Variants in ABI2 observed in about 807,000 individuals in gnomAD.
The protein encoded by ABI2 is abelson interactor 2.
A neutral mutation model predicts 59.2 loss-of-function variants in ABI2; 25 were observed. The ratio of observed to expected loss-of-function variants is 0.42; its 90% CI spans 0.31 to 0.59. ABI2 has a LOEUF of 0.59. Ranked by LOEUF, ABI2 falls within the 20% of genes least tolerant of loss-of-function variation. ABI2 has a pLI of 0.14. For missense variants in ABI2, 545 were observed against 681.8 expected (o/e 0.80, Z 2.23); for synonymous variants, 213 against 235.5 (o/e 0.90, Z 0.87).
At chr2:203,337,897 G>T (rs551945215) in intron 1 of ABI2, among the ~76,000 whole-genome samples, 1 of 152,288 alleles carries the variant, frequency 6.6e-6, no homozygotes, top group East Asian at 1.9e-4. Context: ...GGGCATGCTG[G>T]CACACGCCTG....
chr2:203,430,923 C>CT lies in ABI2; in HGVS notation c.*3575dup, dbSNP rs2098478770. 1.3e-5 allele frequency: 2 copies of CT among 152,138 alleles called. No individual in the cohort carries two copies. The highest frequency in any genetic ancestry group is 2.9e-5 in the Non-Finnish European group (2 of 68,026). 9.4% of individuals were successfully genotyped at this position (152,138 alleles called of 1,614,324 possible). On this transcript the variant is annotated 3_prime_UTR_variant, in exon 12 of 12. Coordinates refer to ENST00000261018, the MANE Select transcript of ABI2 (RefSeq NM_001375670.1). ...GCTTTTATCTTTTTATGTTCATTTT[C>CT]TTTTAGTAGGTGACCTTTCTGCATT...
At chr2:203,373,216 C>T (rs1257709283) in intron 2 of ABI2, among the ~76,000 whole-genome samples, 3 of 152,162 alleles carry the variant, frequency 2.0e-5, no homozygotes, top group African/African-American at 2.4e-5. Flanking sequence ...ATCCCGGCAC[C>T]TCGGGAGGCC....
intron 1 of ABI2, among the ~76,000 whole-genome samples, chr2:203,344,452 G>A (rs2081947262): frequency 6.6e-6 from 1 of 151,824 alleles, no homozygotes; most frequent in Non-Finnish European, 1.5e-5. Context: ...TGCAGTCTCT[G>A]CCTCCTGGGT....
chr2:203,382,127 T>C, intron 3 of ABI2, 62 bp from the exon 4 acceptor site: 1 of 1,415,184 alleles, frequency 7.1e-7, no homozygotes, highest in South Asian at 1.3e-5. Flanking sequence ...TCCTGAAGTT[T>C]CAACTAACCT....
chr2:203,349,711 A>C (rs1212027721), intron 1 of ABI2, among the ~76,000 whole-genome samples: 24 of 140,616 alleles, frequency 1.7e-4, no homozygotes, highest in Non-Finnish European at 3.1e-4. Flanking sequence ...GGCTGTGTTC[A>C]TTTTTTTTTT....
At chr2:203,380,439 T>G (rs2096043762) in intron 3 of ABI2, 55 bp downstream of exon 3, 2 of 1,187,006 alleles carry the variant, frequency 1.7e-6, no homozygotes, top group Non-Finnish European at 2.3e-6. Flanking sequence ...TGAAACCAAC[T>G]CTTGAGAAAA....
At chr2:203,396,561 G>C (rs759101803) in intron 7 of ABI2, among the ~76,000 whole-genome samples, 1 of 152,082 alleles carries the variant, frequency 6.6e-6, no homozygotes. Flanking sequence ...AGGAATGTTT[G>C]TTTTTAATGA....
chr2:203,359,288 A>G (rs913800904), intron 1 of ABI2, among the ~76,000 whole-genome samples: 32 of 152,114 alleles, frequency 2.1e-4, no homozygotes, highest in Admixed American at 2.6e-4. Context: ...TCATTTTCAT[A>G]TGAACTGAAG....
At chr2:203,406,187 TTGG>T (rs1308454249) in intron 9 of ABI2, among the ~76,000 whole-genome samples, 1 of 152,160 alleles carries the variant, frequency 6.6e-6, no homozygotes, top group South Asian at 2.1e-4. Context: ...ATGAAACACC[TTGG>T]TGGTCAAGAA....
chr2:203,342,609 T>C (rs890546029), intron 1 of ABI2, among the ~76,000 whole-genome samples: 12 of 147,916 alleles, frequency 8.1e-5, no homozygotes, highest in Non-Finnish European at 1.3e-4. Flanking sequence ...AGACAAGGTC[T>C]CACTCTGTCA....
intron 4 of ABI2, among the ~76,000 whole-genome samples, chr2:203,386,821 T>G (rs897296723): frequency 6.6e-6 from 1 of 151,966 alleles, no homozygotes; most frequent in African/African-American, 2.4e-5. Context: ...GTATTTTTAG[T>G]AGAGACAGGG....
At chr2:203,400,220 TG>T (rs2097168303) in intron 8 of ABI2, among the ~76,000 whole-genome samples, 1 of 150,736 alleles carries the variant, frequency 6.6e-6, no homozygotes, top group Non-Finnish European at 1.5e-5. Context: ...CCTGAGGAGC[TG>T]GGATTACAAG....
Position 203,402,817 on chromosome 2 carries a change from G to A in ABI2, c.1192+83G>A, listed in dbSNP as rs935208521. The stretch of plus-strand genomic sequence containing the variant: ...TACAAAAAACCCTTAATTACAAATA[G>A]TGCATGGTAGGTGGTTAGCACCATT... On this transcript the variant is annotated intron_variant, in intron 9 of 11. Coordinates refer to ENST00000261018, the MANE Select transcript of ABI2 (RefSeq NM_001375670.1). 7.5e-6 allele frequency: 9 copies of A among 1,195,690 alleles called. No individual in the cohort carries two copies. The African/African-American group carries it at 1.4e-4, about 19-fold the overall frequency. The allele number at this position is 1,195,690 out of a possible 1,614,324, so 74.1% of individuals were successfully genotyped here.
chr2:203,361,474 G>GA (rs1197939856), intron 1 of ABI2, among the ~76,000 whole-genome samples: 1 of 152,022 alleles, frequency 6.6e-6, no homozygotes, highest in African/African-American at 2.4e-5. Flanking sequence ...TCTCAGAAAA[G>GA]AAAAAAGTTC....
chr2:203,426,799 A>G (rs1054266595), intron 11 of ABI2, among the ~76,000 whole-genome samples: 1 of 151,700 alleles, frequency 6.6e-6, no homozygotes, highest in Non-Finnish European at 1.5e-5. Context: ...AAAAAAAAAA[A>G]AAAAACCACA....
rs114649171 is a variant in ABI2, at chr2:203,394,957, A to G, written c.725+111A>G. ...AGCACTAAGTTCTTTTCCTCACTCTATTCTCCCAAACCTCATCTGATTTCA... is the reference window on the plus strand; with the variant it reads ...AGCACTAAGTTCTTTTCCTCACTCTGTTCTCCCAAACCTCATCTGATTTCA... On this transcript the variant is annotated intron_variant, in intron 6 of 11. Coordinates refer to ENST00000261018, the MANE Select transcript of ABI2 (RefSeq NM_001375670.1). 7.0e-4 allele frequency: 858 copies of G among 1,223,454 alleles called. 6 individuals carry two copies. The African/African-American group carries it at 0.012, about 16-fold the overall frequency. 75.8% of individuals were successfully genotyped at this position (1,223,454 alleles called of 1,614,324 possible).
At chr2:203,370,203 TCTCTCTCTC>T (rs2095002715) in intron 2 of ABI2, among the ~76,000 whole-genome samples, 1 of 149,206 alleles carries the variant, frequency 6.7e-6, no homozygotes, top group Admixed American at 6.7e-5. Flanking sequence ...TCTCTCTCTC[TCTCTCTCTC>T]TCTCTCTCTC....
intron 1 of ABI2, among the ~76,000 whole-genome samples, chr2:203,357,607 T>C (rs988383047): frequency 3.3e-5 from 5 of 152,214 alleles, no homozygotes; most frequent in Non-Finnish European, 5.9e-5. Flanking sequence ...TCTATACATA[T>C]GTTGTCTAGG....
chr2:203,354,195 C>A (rs1309067869), intron 1 of ABI2, among the ~76,000 whole-genome samples: 1 of 152,104 alleles, frequency 6.6e-6, no homozygotes, highest in Non-Finnish European at 1.5e-5. Context: ...AGGCACGCTT[C>A]ACCACGCCCT....
Sources: allele counts gnomAD v4.1 joint callset (sites outside exome capture counted in the v4.1 genomes callset), GRCh38; gene constraint gnomAD v4.1.1; transcripts MANE v1.5; gene names NCBI Gene and HGNC (gene_info 2026-07-23, HGNC 2026-07-21).